Variants in PRKCQ observed in about 807,000 individuals in gnomAD.
PRKCQ encodes protein kinase C theta.
PRKCQ carries 41 observed loss-of-function variants against 91.2 expected under a neutral mutation model. The ratio of observed to expected loss-of-function variants is 0.45; its 90% confidence interval spans 0.35 to 0.58. The LOEUF is 0.58. Ranked by LOEUF, PRKCQ falls within the 20% of genes least tolerant of loss-of-function variation. PRKCQ has a pLI of 0.00. For synonymous variants in PRKCQ, 307 were observed against 316.9 expected (o/e 0.97, Z 0.33); for missense variants, 673 against 896.5 (o/e 0.75, Z 3.18).
intron 1 of PRKCQ, among the ~76,000 whole-genome samples, chr10:6,531,713 T>C (rs761954275): frequency 2.0e-5 from 3 of 152,164 alleles, no homozygotes; most frequent in Non-Finnish European, 4.4e-5. Context: ...GAATTGACCA[T>C]GTAAGATGTT....
chr10:6,435,793 G>A (rs1480777749), intron 16 of PRKCQ, among the ~76,000 whole-genome samples: 1 of 152,236 alleles, frequency 6.6e-6, no homozygotes, highest in Non-Finnish European at 1.5e-5. Flanking sequence ...GCTGTATGCA[G>A]GGCGTGGGTT....
At chr10:6,458,903 C>G (rs1193703540) in intron 14 of PRKCQ, among the ~76,000 whole-genome samples, 2 of 152,190 alleles carry the variant, frequency 1.3e-5, no homozygotes, top group East Asian at 3.8e-4. Context: ...CTTTCCGGCT[C>G]TGTGGTTTTA....
At chr10:6,395,159 GT>G in the PRKCQ span, among the ~76,000 whole-genome samples, 2 of 149,912 alleles carry the variant, frequency 1.3e-5, no homozygotes, top group East Asian at 3.9e-4. Flanking sequence ...CGCCTCCCGG[GT>G]TCACGCCATT....
At chr10:6,413,062 C>T in the PRKCQ span, among the ~76,000 whole-genome samples, 4 of 152,304 alleles carry the variant, frequency 2.6e-5, no homozygotes, top group Admixed American at 6.5e-5. Flanking sequence ...ACGCCATTCT[C>T]CTGCCTCAGC....
At chr10:6,480,422 A>G (rs1408547394) in intron 11 of PRKCQ, among the ~76,000 whole-genome samples, 2 of 152,266 alleles carry the variant, frequency 1.3e-5, no homozygotes, top group Non-Finnish European at 2.9e-5. Context: ...AAAGGACACC[A>G]GATGGCATAT....
At chr10:6,505,526 CTTTCTTTT>C (rs762379994) in intron 4 of PRKCQ, among the ~76,000 whole-genome samples, 20 of 109,016 alleles carry the variant, frequency 1.8e-4, no homozygotes, top group Non-Finnish European at 3.5e-4. Flanking sequence ...CCTTTTCTTT[CTTTCTTTT>C]TCTTTCTTTT....
chr10:6,488,084 A>AGTC (rs1439076236), intron 8 of PRKCQ, among the ~76,000 whole-genome samples: 2 of 151,936 alleles, frequency 1.3e-5, no homozygotes, highest in Non-Finnish European at 2.9e-5. Flanking sequence ...CAGCTGACAG[A>AGTC]GTCTGTGAGT....
chr10:6,578,991 G>C (rs1202009550), intron 1 of PRKCQ, among the ~76,000 whole-genome samples: 1 of 152,194 alleles, frequency 6.6e-6, no homozygotes, highest in Non-Finnish European at 1.5e-5. Context: ...ATGGCTTCTA[G>C]GGAGCAAACC....
intron 12 of PRKCQ, among the ~76,000 whole-genome samples, chr10:6,477,587 G>A (rs1836337994): frequency 6.6e-6 from 1 of 152,204 alleles, no homozygotes; most frequent in South Asian, 2.1e-4. Context: ...TGGGAAAAGG[G>A]CTGGGTGCGT....
the PRKCQ span, among the ~76,000 whole-genome samples, chr10:6,405,856 G>C: frequency 6.6e-6 from 1 of 152,110 alleles, no homozygotes; most frequent in East Asian, 1.9e-4. Flanking sequence ...GGGGAGCAAT[G>C]ACAGCTCCAA....
the PRKCQ span, among the ~76,000 whole-genome samples, chr10:6,401,319 T>A: frequency 3.9e-5 from 6 of 152,242 alleles, no homozygotes; most frequent in Admixed American, 1.3e-4. Context: ...GTCTGTGTTT[T>A]CCGGGTGACC....
chr10:6,430,742 G>C lies in PRKCQ; in HGVS notation c.1965+68C>G. The C allele has an allele frequency of 6.4e-7, 1 of 1,573,472 alleles. No individual in the cohort carries two copies. The highest frequency in any genetic ancestry group is 1.2e-5 in the South Asian group (1 of 83,574). Reference sequence around the variant, plus strand: ...CAGGGGTGAGCAGCTGCGGTGACTTGGACAGGCAGACGGCCCTGAGCGGAG... The same window carrying C: ...CAGGGGTGAGCAGCTGCGGTGACTTCGACAGGCAGACGGCCCTGAGCGGAG... On this transcript the variant is annotated intron_variant, in intron 17 of 17. Transcript: ENST00000263125. This position sits in a 1 kb window ranked among gnomAD's most constrained non-coding sequence, Gnocchi z 4.7.
intron 16 of PRKCQ, among the ~76,000 whole-genome samples, chr10:6,436,339 T>C (rs1248082297): frequency 6.6e-6 from 1 of 152,174 alleles, no homozygotes; most frequent in African/African-American, 2.4e-5. Flanking sequence ...AGGATGTTGA[T>C]AAGACAGTAC....
At chr10:6,545,880 G>A (rs1056736975) in intron 1 of PRKCQ, among the ~76,000 whole-genome samples, 2 of 152,114 alleles carry the variant, frequency 1.3e-5, no homozygotes, top group Admixed American at 6.5e-5. Flanking sequence ...GTGTGTGCCT[G>A]TAATCCCAGC....
downstream of PRKCQ, among the ~76,000 whole-genome samples, chr10:6,425,942 C>A (rs1483369761): frequency 1.3e-5 from 2 of 152,122 alleles, no homozygotes; most frequent in Non-Finnish European, 2.9e-5. Flanking sequence ...CTGTTGGGGT[C>A]TCTGGGTGTC....
At chr10:6,528,986 G>C (rs1005806494) in intron 1 of PRKCQ, among the ~76,000 whole-genome samples, 3 of 152,148 alleles carry the variant, frequency 2.0e-5, no homozygotes, top group African/African-American at 7.2e-5. Context: ...ATGAAGAATT[G>C]GGTGATATAA....
chr10:6,437,932 C>T (rs746777554), intron 16 of PRKCQ, among the ~76,000 whole-genome samples: 14 of 152,134 alleles, frequency 9.2e-5, no homozygotes, highest in African/African-American at 1.4e-4. Flanking sequence ...GGATTACAGG[C>T]GTGAGCCACC....
rs1373262500 is a variant in PRKCQ at position 6,576,785 on chromosome 10, T to C, written c.-10+3426A>G. 6.6e-6 allele frequency among the ~76,000 whole-genome samples: 1 copy of C among 152,208 alleles called. No individual in the cohort carries two copies. Among genetic ancestry groups the C allele is most frequent in the Non-Finnish European group, 1.5e-5 (1 of 68,036 alleles). On this transcript the variant is annotated intron_variant, in intron 1 of 17. Transcript: ENST00000263125. This position sits in a 1 kb window ranked among gnomAD's most constrained non-coding sequence, Gnocchi z 4.2. ...GCGGTTTAAAGCAAATGCTTGATGG[T>C]TAGACTAATCTGGATGGTCCAACTA...
At chr10:6,447,782 A>G (rs551515475) in intron 15 of PRKCQ, among the ~76,000 whole-genome samples, 84 of 152,342 alleles carry the variant, frequency 5.5e-4, no homozygotes, top group Non-Finnish European at 1.1e-3. Context: ...CAGGCCACAG[A>G]GTCCCCTCCC....
Sources: gnomAD v4.1 joint callset for allele counts (sites outside exome capture counted in the v4.1 genomes callset) on GRCh38, gnomAD v4.1.1 for gene constraint, Gnocchi (gnomAD v3.1) non-coding constraint, MANE v1.5 for transcripts, NCBI Gene and HGNC (gene_info 2026-07-23, HGNC 2026-07-21) for gene names.